The following FAM81A variants were observed in gnomAD, a reference collection of about 807,000 sequenced individuals.
FAM81A encodes protein FAM81A.
In FAM81A, 19 loss-of-function variants were observed where a neutral mutation model predicts 46.7. The ratio of observed to expected loss-of-function variants is 0.41; its 90% CI spans 0.28 to 0.60. The LOEUF (loss-of-function observed/expected upper bound fraction) is 0.60. Ranked by LOEUF, FAM81A falls within the 20% of genes least tolerant of loss-of-function variation. FAM81A has a pLI of 0.34. For missense variants in FAM81A, 377 were observed against 453.5 expected, an observed-to-expected ratio of 0.83 and a Z score of 1.53; for synonymous variants, 183 against 152.9, an observed-to-expected ratio of 1.20 and a Z score of -1.45.
chr15:59,486,931 A>T (rs2081923602), intron 3 of FAM81A, among the ~76,000 whole-genome samples: 1 of 152,074 alleles, frequency 6.6e-6, no homozygotes, highest in Non-Finnish European at 1.5e-5. Context: ...GAGCAATAAG[A>T]AATCATCTGA....
chr15:59,469,685 T>C (rs936307777), intron 3 of FAM81A, among the ~76,000 whole-genome samples: 1 of 152,202 alleles, frequency 6.6e-6, no homozygotes, highest in Non-Finnish European at 1.5e-5. Context: ...CCAGTCTGTG[T>C]CTTTTAATTG....
chr15:59,479,539 AAAAGGAT>A (rs1194570566), intron 3 of FAM81A, among the ~76,000 whole-genome samples: 117 of 150,220 alleles, frequency 7.8e-4, no homozygotes, highest in African/African-American at 2.8e-3. Flanking sequence ...AAAAAAAAAA[AAAAGGAT>A]GGTAAGGGAA....
chr15:59,519,512 CTCTT>C (rs1244203807), intron 8 of FAM81A, among the ~76,000 whole-genome samples: 7 of 141,406 alleles, frequency 5.0e-5, no homozygotes, highest in Non-Finnish European at 1.1e-4. Context: ...CTCTCTTTCT[CTCTT>C]TCTTTCCTTT....
At chr15:59,513,138 G>A (rs1327248079) in intron 6 of FAM81A, among the ~76,000 whole-genome samples, 2 of 152,288 alleles carry the variant, frequency 1.3e-5, no homozygotes, top group East Asian at 1.9e-4. Context: ...TAATTAAGAG[G>A]GAGGTAGCAG....
intron 4 of FAM81A, 89 bp downstream of exon 4, chr15:59,492,478 A>T: frequency 9.6e-7 from 1 of 1,042,990 alleles, no homozygotes; most frequent in South Asian, 1.4e-5. Context: ...TGAAGCCCCA[A>T]AGCAAATGGC....
intron 2 of FAM81A, among the ~76,000 whole-genome samples, chr15:59,417,946 G>A (rs560994515): frequency 1.5e-3 from 224 of 151,960 alleles, no homozygotes; most frequent in African/African-American, 5.2e-3. Context: ...GACAGGCCCC[G>A]GTGTGTGATG....
At chr15:59,432,428 G>A (rs2081224526) in intron 2 of FAM81A, among the ~76,000 whole-genome samples, 1 of 152,194 alleles carries the variant, frequency 6.6e-6, no homozygotes, top group Non-Finnish European at 1.5e-5. Context: ...GAAGACAGGG[G>A]AATGAAAACA....
chr15:59,426,473 C>A (rs554277220), intron 2 of FAM81A, among the ~76,000 whole-genome samples: 136 of 152,236 alleles, frequency 8.9e-4, no homozygotes, highest in African/African-American at 3.2e-3. Flanking sequence ...ATTAGCCAGG[C>A]GTGGTGGCGC....
chr15:59,450,771 C>A (rs1420548875), intron 1 of FAM81A, among the ~76,000 whole-genome samples: 2 of 152,216 alleles, frequency 1.3e-5, no homozygotes, highest in African/African-American at 4.8e-5. Flanking sequence ...GCAAGACAGC[C>A]ACTTGGAAAT....
chr15:59,503,624 G>C (rs1195616658), intron 4 of FAM81A, among the ~76,000 whole-genome samples: 2 of 151,856 alleles, frequency 1.3e-5, no homozygotes, highest in African/African-American at 4.8e-5. Context: ...CCAGGCTGGA[G>C]TGCAATGGCG....
intron 2 of FAM81A, among the ~76,000 whole-genome samples, chr15:59,416,419 G>A (rs1299940765): frequency 2.6e-5 from 4 of 152,206 alleles, no homozygotes; most frequent in African/African-American, 4.8e-5. Flanking sequence ...AGCTGCCTCA[G>A]TTTCCAGGTT....
chr15:59,427,768 T>C (rs1006599288), intron 2 of FAM81A, among the ~76,000 whole-genome samples: 40 of 152,234 alleles, frequency 2.6e-4, no homozygotes, highest in African/African-American at 9.2e-4. Flanking sequence ...TAGTATTCCA[T>C]TGTGTATAGG....
At position 59,495,682 on chromosome 15, in the gene FAM81A, GT is replaced by G. The variant is rs546886894; in HGVS notation, c.413+3297del. On this transcript the variant is annotated intron_variant, in intron 4 of 8. Coordinates refer to ENST00000288228, the MANE Select transcript of FAM81A (RefSeq NM_152450.3). ...TTCCTTCACATCCTCACTAACAGTT[GT>G]TTTCTATCTTTTCGATTATAGCCAT... Among the ~76,000 whole-genome samples the G allele has an allele frequency of 6.2e-4, 95 of 152,300 alleles. 1 individual carries two copies. Among genetic ancestry groups the G allele is most frequent in the Middle Eastern group, 6.8e-3 (2 of 294 alleles).
intron 6 of FAM81A, among the ~76,000 whole-genome samples, chr15:59,513,346 G>GTT (rs2082233207): frequency 6.6e-6 from 1 of 152,202 alleles, no homozygotes; most frequent in Non-Finnish European, 1.5e-5. Flanking sequence ...AGAGCCTGGG[G>GTT]AAGAAGGGGA....
chr15:59,442,236 T>A (rs2081306005), intron 1 of FAM81A, among the ~76,000 whole-genome samples: 1 of 152,234 alleles, frequency 6.6e-6, no homozygotes, highest in African/African-American at 2.4e-5. Flanking sequence ...GACTGCTTTG[T>A]CTCTACCTTG....
intron 2 of FAM81A, among the ~76,000 whole-genome samples, chr15:59,414,114 C>T (rs1490340220): frequency 1.3e-5 from 2 of 152,106 alleles, no homozygotes; most frequent in Admixed American, 1.3e-4. Context: ...TCACCACGCC[C>T]AGCTAATTTT....
chr15:59,445,486 C>T (rs1336776831), intron 1 of FAM81A: 1 of 152,066 alleles, frequency 6.6e-6, no homozygotes, highest in Non-Finnish European at 1.5e-5. Context: ...AGAGTCCTCC[C>T]CTGCTCCTAA....
chr15:59,414,241 A>C (rs1264056404), intron 2 of FAM81A, among the ~76,000 whole-genome samples: 3 of 152,152 alleles, frequency 2.0e-5, no homozygotes, highest in Non-Finnish European at 4.4e-5. Context: ...GGTGTGAGCC[A>C]CCACACCTGG....
At chr15:59,450,699 G>C (rs1567048492) in intron 1 of FAM81A, among the ~76,000 whole-genome samples, 2 of 152,064 alleles carry the variant, frequency 1.3e-5, no homozygotes, top group African/African-American at 4.8e-5. Flanking sequence ...CATATATTAA[G>C]AACAACAACA....
Sources: allele counts gnomAD v4.1 joint callset (sites outside exome capture counted in the v4.1 genomes callset), GRCh38; gene constraint gnomAD v4.1.1; transcripts MANE v1.5; gene names NCBI Gene and HGNC (gene_info 2026-07-23, HGNC 2026-07-21).